The following SPAG9 variants were observed in gnomAD, a reference collection of about 807,000 sequenced individuals.
The protein encoded by SPAG9 is sperm associated antigen 9.
Under a neutral mutation model 166.5 loss-of-function variants are expected in SPAG9, and 35 were observed. That is an observed-to-expected ratio of 0.21 (90% CI 0.16 to 0.28). The LOEUF (loss-of-function observed/expected upper bound fraction) is 0.28. Ranked by LOEUF, SPAG9 falls within the 10% of genes least tolerant of loss-of-function variation. The pLI is 1.00. For synonymous variants in SPAG9, 534 were observed against 565.5 expected (o/e 0.94, Z 0.79); for missense variants, 1,235 against 1,603.3 (o/e 0.77, Z 3.92).
intron 2 of SPAG9, among the ~76,000 whole-genome samples, chr17:51,065,197 T>C (rs577057900): frequency 6.6e-6 from 1 of 152,240 alleles, no homozygotes; most frequent in African/African-American, 2.4e-5. Context: ...CAATTTTTAA[T>C]TTTATTTTAT....
intron 4 of SPAG9, among the ~76,000 whole-genome samples, chr17:51,043,880 T>C (rs2046930642): frequency 6.6e-6 from 1 of 152,188 alleles, no homozygotes; most frequent in Admixed American, 6.5e-5. Flanking sequence ...GAGGGAGTCT[T>C]CTATGAATCC....
chr17:50,985,097 T>C (rs1266486587), intron 23 of SPAG9, 107 bp from the exon 24 acceptor site: 8 of 859,428 alleles, frequency 9.3e-6, no homozygotes, highest in African/African-American at 1.7e-5. Context: ...CTGTGATGAG[T>C]TAAGGAGCTG....
chr17:51,080,294 CTTTT>C (rs202141770), intron 1 of SPAG9, among the ~76,000 whole-genome samples: 1 of 140,386 alleles, frequency 7.1e-6, no homozygotes, highest in Non-Finnish European at 1.6e-5. Flanking sequence ...CTCCTTAAAA[CTTTT>C]TTTTTTTTTT....
At chr17:51,027,145 AATG>A (rs1438332682) in intron 6 of SPAG9, among the ~76,000 whole-genome samples, 1 of 152,136 alleles carries the variant, frequency 6.6e-6, no homozygotes, top group Non-Finnish European at 1.5e-5. Context: ...CTAAAGACAG[AATG>A]AGGCTAAGCA....
At chr17:50,976,433 T>C (rs1448514617) in intron 27 of SPAG9, among the ~76,000 whole-genome samples, 1 of 152,228 alleles carries the variant, frequency 6.6e-6, no homozygotes, top group Non-Finnish European at 1.5e-5. Context: ...AAATACCTTC[T>C]AGTCTTTCTC....
intron 1 of SPAG9, among the ~76,000 whole-genome samples, chr17:51,080,785 G>A (rs1402687176): frequency 2.0e-5 from 3 of 148,004 alleles, no homozygotes; most frequent in Non-Finnish European, 4.4e-5. Flanking sequence ...GGAGGCTAAG[G>A]AAGGAGAGTT....
chr17:50,993,985 T>G, intron 18 of SPAG9, 50 bp from the exon 19 acceptor site: 1 of 1,495,350 alleles, frequency 6.7e-7, no homozygotes, highest in Non-Finnish European at 9.3e-7. Flanking sequence ...TATGTACAAA[T>G]ATTCATAAGG....
chr17:50,999,448 T>C (rs1253556945), intron 14 of SPAG9: 21 of 1,490,592 alleles, frequency 1.4e-5, no homozygotes, highest in Non-Finnish European at 1.8e-5. Flanking sequence ...TACGATATCA[T>C]ATTTTTTGTC....
chr17:50,981,890 G>T (rs1974680514), intron 25 of SPAG9, among the ~76,000 whole-genome samples: 1 of 151,932 alleles, frequency 6.6e-6, no homozygotes, highest in Non-Finnish European at 1.5e-5. Flanking sequence ...AAAATTAGCT[G>T]GCTGTGGTGG....
At chr17:51,095,745 G>A (rs1337820124) in intron 1 of SPAG9, among the ~76,000 whole-genome samples, 3 of 145,926 alleles carry the variant, frequency 2.1e-5, no homozygotes, top group Non-Finnish European at 4.5e-5. Context: ...TACATATAGT[G>A]ATATATATAT....
At chr17:50,981,509 GAT>G in intron 25 of SPAG9, among the ~76,000 whole-genome samples, 1 of 150,164 alleles carries the variant, frequency 6.7e-6, no homozygotes, top group Non-Finnish European at 1.5e-5. Flanking sequence ...TAGATAGATA[GAT>G]AGATAGATAG....
intron 2 of SPAG9, among the ~76,000 whole-genome samples, chr17:51,067,879 A>G (rs1045717632): frequency 6.6e-6 from 1 of 152,210 alleles, no homozygotes; most frequent in Non-Finnish European, 1.5e-5. Context: ...GCAAGAGGAT[A>G]AGATTAAGGC....
At chr17:51,047,571 T>C (rs1179872997) in intron 3 of SPAG9, 102 bp from the exon 4 acceptor site, 2 of 534,224 alleles carry the variant, frequency 3.7e-6, no homozygotes, top group Non-Finnish European at 6.4e-6. Context: ...TTTTCTTATC[T>C]ATCAGACTAC....
intron 3 of SPAG9, among the ~76,000 whole-genome samples, chr17:51,052,745 T>C (rs897175868): frequency 2.4e-4 from 37 of 152,166 alleles, no homozygotes; most frequent in African/African-American, 8.9e-4. Flanking sequence ...AATTTCACTT[T>C]ACCGTTATTT....
chr17:51,065,342 AT>A (rs1449549044), intron 2 of SPAG9, among the ~76,000 whole-genome samples: 1 of 152,140 alleles, frequency 6.6e-6, no homozygotes, highest in African/African-American at 2.4e-5. Flanking sequence ...CTGGATTTCA[AT>A]TTTAAACAGA....
chr17:51,080,579 G>A (rs1418701752), intron 1 of SPAG9, among the ~76,000 whole-genome samples: 1 of 151,988 alleles, frequency 6.6e-6, no homozygotes, highest in Non-Finnish European at 1.5e-5. Flanking sequence ...AACTTCAATT[G>A]GATGTTTAAA....
At chr17:50,999,585 C>T (rs996443400) in intron 14 of SPAG9, 76 bp downstream of exon 14, 67 of 1,480,858 alleles carry the variant, frequency 4.5e-5, no homozygotes, top group Admixed American at 1.0e-4. Flanking sequence ...GACATAAAAT[C>T]ATTCTTGGAA....
At chr17:51,089,615 TTATTTTATATATATATATATATATATATA>T (rs200597586) in intron 1 of SPAG9, among the ~76,000 whole-genome samples, 6,151 of 108,014 alleles carry the variant, frequency 0.057, 508 homozygotes, top group African/African-American at 0.18. Flanking sequence ...TATATACACT[TTATTTTATATATATATATATATATATATA>T]TATATATATA....
chr17:51,059,274 C>T (rs936800587), intron 2 of SPAG9, among the ~76,000 whole-genome samples: 2 of 152,110 alleles, frequency 1.3e-5, no homozygotes, highest in Non-Finnish European at 2.9e-5. Context: ...TCAGTTCAAA[C>T]ACGATGTGCA....
Sources: allele counts gnomAD v4.1 joint callset (sites outside exome capture counted in the v4.1 genomes callset), GRCh38; gene constraint gnomAD v4.1.1; transcripts MANE v1.5; gene names NCBI Gene and HGNC (gene_info 2026-07-23, HGNC 2026-07-21).